Variants in VCL observed in about 807,000 individuals in gnomAD.
VCL encodes the protein vinculin, also known as epididymis luminal protein 114.
In VCL, 47 loss-of-function variants were observed where a neutral mutation model predicts 125.7. That is an observed-to-expected ratio of 0.37 (90% CI 0.30 to 0.48). The LOEUF is 0.48. Among genes scored for constraint, VCL ranks in the 20% least tolerant of loss-of-function variants. The pLI is 0.99. For missense variants in VCL, 1,069 were observed against 1,455.5 expected (o/e 0.73, Z 4.32); for synonymous variants, 458 against 514.6 (o/e 0.89, Z 1.49).
intron 2 of VCL, among the ~76,000 whole-genome samples, chr10:74,053,836 C>G (rs1404515120): frequency 6.6e-6 from 1 of 152,108 alleles, no homozygotes. Flanking sequence ...GTCTCGAACT[C>G]CTGACCTCAG....
intron 2 of VCL, among the ~76,000 whole-genome samples, chr10:74,066,739 T>G (rs2136270161): frequency 6.6e-6 from 1 of 152,060 alleles, no homozygotes; most frequent in Non-Finnish European, 1.5e-5. Context: ...TGGCATGATC[T>G]TGGCTCACTG....
intron 2 of VCL, among the ~76,000 whole-genome samples, chr10:74,069,269 A>C (rs1351950946): frequency 2.0e-5 from 3 of 152,052 alleles, no homozygotes; most frequent in African/African-American, 7.2e-5. Flanking sequence ...CGAACTCCCA[A>C]CCTCAAGTGA....
chr10:74,036,393 G>T (rs1301626783), intron 1 of VCL, among the ~76,000 whole-genome samples: 1 of 152,040 alleles, frequency 6.6e-6, no homozygotes, highest in Non-Finnish European at 1.5e-5. Context: ...AGTAGAGACA[G>T]GGTTTCACCA....
Position 74,067,347 on chromosome 10 carries a change from C to T in VCL, c.240-3323C>T, listed in dbSNP as rs1385370896. On this transcript the variant is annotated intron_variant, in intron 2 of 21. Coordinates refer to ENST00000211998, the MANE Select transcript of VCL (RefSeq NM_014000.3). ...TGCAAATCAAAGCCATAATGAGATA[C>T]CACTTCACACCTGCTAGGGTGGCTT... Among the ~76,000 whole-genome samples the T allele has an allele frequency of 2.6e-5, 4 of 151,674 alleles. 1 individual carries two copies. The East Asian group carries it at 7.7e-4, about 29-fold the overall frequency.
intron 12 of VCL, among the ~76,000 whole-genome samples, 194 bp downstream of exon 12, chr10:74,096,049 G>C (rs1210128794): frequency 6.6e-6 from 1 of 151,764 alleles, no homozygotes; most frequent in African/African-American, 2.4e-5. Context: ...AACTAAATTT[G>C]TGTTTTCCAA....
chr10:74,070,940 C>T, intron 3 of VCL, 35 bp from the exon 4 acceptor site: 1 of 1,612,530 alleles, frequency 6.2e-7, no homozygotes, highest in Non-Finnish European at 8.5e-7. Context: ...TAGTTGTCCA[C>T]CCATGTGATT....
intron 18 of VCL, among the ~76,000 whole-genome samples, chr10:74,110,716 T>C (rs1840206955): frequency 6.6e-6 from 1 of 152,134 alleles, no homozygotes. Flanking sequence ...CTTTTAGGAG[T>C]GGTAACAACC....
intron 1 of VCL, among the ~76,000 whole-genome samples, chr10:74,021,222 A>G (rs893670171): frequency 1.3e-5 from 2 of 151,982 alleles, no homozygotes; most frequent in African/African-American, 2.4e-5. Flanking sequence ...CTGTGTTACT[A>G]AAATATTTGA....
Position 74,097,719 on chromosome 10 carries a change from AAGAATGGGGGTACTCC to A in VCL, c.1872+390_1872+405del, listed in dbSNP as rs939607457. 1.3e-5 allele frequency among the ~76,000 whole-genome samples: 2 copies of A among 152,134 alleles called. No homozygotes were observed. Among genetic ancestry groups the A allele is most frequent in the African/African-American group, 4.8e-5 (2 of 41,438 alleles). ...ATCATGTTAAATGCAGGAAGAAATG[AAGAATGGGGGTACTCC>A]AGTCACAACTGTGCCTTTCGAGTCA... On this transcript the variant is annotated intron_variant, in intron 13 of 21. Coordinates refer to ENST00000211998, the MANE Select transcript of VCL (RefSeq NM_014000.3). The surrounding 1 kb of genome is among the most constrained non-coding windows in gnomAD (Gnocchi z 4.1).
chr10:74,026,150 G>C (rs1285331156), intron 1 of VCL, among the ~76,000 whole-genome samples: 1 of 152,334 alleles, frequency 6.6e-6, no homozygotes, highest in East Asian at 1.9e-4. Context: ...AAAGAAAAGG[G>C]AAGATGGAGC....
At chr10:74,027,643 CAAAAAAAAAAAA>C (rs57887979) in intron 1 of VCL, 1 of 76,300 alleles carries the variant, frequency 1.3e-5, no homozygotes. Flanking sequence ...GAGACTGTCT[CAAAAAAAAAAAA>C]AAAAAAAAAA....
At chr10:74,020,860 A>G (rs957390229) in intron 1 of VCL, among the ~76,000 whole-genome samples, 2 of 150,978 alleles carry the variant, frequency 1.3e-5, no homozygotes, top group African/African-American at 2.4e-5. Flanking sequence ...AAAAAAAAAA[A>G]AGAGAGCGAG....
intron 8 of VCL, among the ~76,000 whole-genome samples, chr10:74,087,569 C>T (rs1839806380): frequency 7.0e-6 from 1 of 141,936 alleles, no homozygotes; most frequent in African/African-American, 2.6e-5. Flanking sequence ...AGCGTGTTAG[C>T]CAGGATGGTC....
At chr10:74,106,628 C>T (rs1443670087) in intron 16 of VCL, among the ~76,000 whole-genome samples, 1 of 152,160 alleles carries the variant, frequency 6.6e-6, no homozygotes, top group Non-Finnish European at 1.5e-5. Context: ...GAAGGAGGGG[C>T]TCCCCTATTC....
In VCL at chr10:74,097,131, T is replaced by C; in HGVS notation, c.1744-73T>C. 1 of 1,585,684 alleles carries C rather than the reference T, an allele frequency of 6.3e-7. No individual in the cohort carries two copies. The highest frequency in any genetic ancestry group is 8.6e-7 in the Non-Finnish European group (1 of 1,163,782). ...GACTGAATAGATGAATGAATGTCAG[T>C]GAAGTAAGGGCATTAGTAGATATGC... On this transcript the variant is annotated intron_variant, in intron 12 of 21. Transcript: ENST00000211998. The surrounding 1 kb of genome is among the most constrained non-coding windows in gnomAD (Gnocchi z 4.1).
At chr10:74,019,733 G>A (rs779243536) in intron 1 of VCL, among the ~76,000 whole-genome samples, 2 of 152,132 alleles carry the variant, frequency 1.3e-5, no homozygotes, top group African/African-American at 4.8e-5. Flanking sequence ...TAGTGTTCTC[G>A]ATTTTGAAAA....
chr10:74,015,795 C>T (rs1289911390), intron 1 of VCL, among the ~76,000 whole-genome samples: 1 of 151,832 alleles, frequency 6.6e-6, no homozygotes, highest in Non-Finnish European at 1.5e-5. Context: ...AGCGATTCTC[C>T]TGCCTCAGCC....
At chr10:74,036,311 T>C (rs1360118262) in intron 1 of VCL, among the ~76,000 whole-genome samples, 1 of 152,156 alleles carries the variant, frequency 6.6e-6, no homozygotes, top group African/African-American at 2.4e-5. Context: ...CAAGTGATTC[T>C]CCTGTCTCAC....
chr10:74,011,994 G>A (rs1840445184), intron 1 of VCL, among the ~76,000 whole-genome samples: 1 of 152,208 alleles, frequency 6.6e-6, no homozygotes, highest in Admixed American at 6.5e-5. Flanking sequence ...GAATTTCACT[G>A]CACTTCTTAC....
Sources: gnomAD v4.1 joint callset for allele counts (sites outside exome capture counted in the v4.1 genomes callset) on GRCh38, gnomAD v4.1.1 for gene constraint, Gnocchi (gnomAD v3.1) non-coding constraint, MANE v1.5 for transcripts, NCBI Gene and HGNC (gene_info 2026-07-23, HGNC 2026-07-21) for gene names.